The following SOS1 variants were observed in gnomAD, a reference collection of about 807,000 sequenced individuals.
SOS1 encodes the protein SOS Ras/Rac guanine nucleotide exchange factor 1, also known as son of sevenless homolog 1.
Under a neutral mutation model 157.6 loss-of-function variants are expected in SOS1, and 25 were observed. The ratio of observed to expected loss-of-function variants is 0.16; its 90% CI spans 0.12 to 0.22. The LOEUF is 0.22. Ranked by LOEUF, SOS1 falls within the 10% of genes least tolerant of loss-of-function variation. SOS1 has a pLI of 1.00. For missense variants in SOS1, 1,237 were observed against 1,599.1 expected (o/e 0.77, Z 3.86); for synonymous variants, 528 against 534.0 (o/e 0.99, Z 0.16).
At chr2:39,029,905 G>A (rs986825561) in intron 8 of SOS1, among the ~76,000 whole-genome samples, 3 of 152,044 alleles carry the variant, frequency 2.0e-5, no homozygotes, top group Non-Finnish European at 2.9e-5. Context: ...GGTGGCTTAC[G>A]CCTATAATCC....
In SOS1 at chr2:39,085,531, C is replaced by T. The variant is rs180709433; in HGVS notation, c.88-17778G>A. On this transcript the variant is annotated intron_variant, in intron 1 of 22. Transcript: ENST00000402219. ...CTTCACCAATTAATTTGCCCATAAC[C>T]TCTAAGCAGGAGATTCTAGTTTTTA... Among the ~76,000 whole-genome samples the T allele has an allele frequency of 1.4e-3, 207 of 152,276 alleles. 1 individual carries two copies. Among genetic ancestry groups the T allele is most frequent in the African/African-American group, 4.5e-3 (189 of 41,564 alleles).
In SOS1 at chr2:39,112,503, A is replaced by G. The variant is rs369416987; in HGVS notation, c.87+7833T>C. 6.2e-4 allele frequency among the ~76,000 whole-genome samples: 94 copies of G among 152,052 alleles called. 1 individual carries two copies. The South Asian group carries it at 0.011, about 18-fold the overall frequency. On this transcript the variant is annotated intron_variant, in intron 1 of 22. Transcript: ENST00000402219. ...TTTTTGGTAGAGACGGTGTTTCACC[A>G]TGTTGCCCAGGCTGGTCTTGAACTC...
At chr2:39,095,084 C>G (rs1672723007) in intron 1 of SOS1, among the ~76,000 whole-genome samples, 1 of 152,192 alleles carries the variant, frequency 6.6e-6, no homozygotes, top group African/African-American at 2.4e-5. Flanking sequence ...ACGTAAGGCA[C>G]TTCATACAGT....
intron 14 of SOS1, 21 bp downstream of exon 14, chr2:39,012,105 C>T: frequency 6.6e-7 from 1 of 1,525,456 alleles, no homozygotes; most frequent in South Asian, 1.1e-5. Context: ...GACTTTTCAA[C>T]TTGAATGTTA....
intron 1 of SOS1, among the ~76,000 whole-genome samples, chr2:39,084,785 G>C (rs1030090067): frequency 6.6e-6 from 1 of 151,966 alleles, no homozygotes; most frequent in Non-Finnish European, 1.5e-5. Context: ...CATGTGTTTT[G>C]CTTTAAAAAC....
At chr2:39,110,137 C>T (rs1483152577) in intron 1 of SOS1, among the ~76,000 whole-genome samples, 1 of 151,504 alleles carries the variant, frequency 6.6e-6, no homozygotes, top group Non-Finnish European at 1.5e-5. Flanking sequence ...GTTCCAGGAC[C>T]TCCCTCAGAT....
chr2:39,011,583 A>AT (rs1159870616), intron 14 of SOS1, among the ~76,000 whole-genome samples: 1 of 152,218 alleles, frequency 6.6e-6, no homozygotes, highest in Non-Finnish European at 1.5e-5. Flanking sequence ...TAAAAAGTGA[A>AT]TAATTTAAGA....
rs560227987 is a variant in SOS1 at position 39,099,520 on chromosome 2, T to G, written c.87+20816A>C. Among the ~76,000 whole-genome samples, 6 of 152,274 alleles carry G rather than the reference T, an allele frequency of 3.9e-5. No homozygotes were observed. The South Asian group carries it at 1.2e-3, about 32-fold the overall frequency. On this transcript the variant is annotated intron_variant, in intron 1 of 22. Coordinates refer to ENST00000402219, the MANE Select transcript of SOS1 (RefSeq NM_005633.4). The stretch of plus-strand genomic sequence containing the variant: ...TGATTTATAATTGATTGTGCAATAG[T>G]TGCACAGCTCTGTAAATATACTAAA...
At chr2:39,081,030 A>T (rs577069804) in intron 1 of SOS1, among the ~76,000 whole-genome samples, 8 of 152,024 alleles carry the variant, frequency 5.3e-5, no homozygotes, top group African/African-American at 1.7e-4. Flanking sequence ...TCCAAAAAAA[A>T]AATAATAAAA....
intron 10 of SOS1, 87 bp from the exon 11 acceptor site, chr2:39,014,933 T>C (rs935468723): frequency 6.1e-6 from 5 of 823,468 alleles, no homozygotes; most frequent in South Asian, 1.5e-5. Flanking sequence ...ATAGATCAAA[T>C]AGTCAAGTTT....
chr2:38,995,635 G>A (rs564196822), intron 19 of SOS1, among the ~76,000 whole-genome samples: 2 of 152,242 alleles, frequency 1.3e-5, no homozygotes, highest in East Asian at 3.9e-4. Context: ...AAATACTAGA[G>A]TATTTGTTAT....
chr2:39,056,478 C>G (rs1304362590), intron 4 of SOS1, among the ~76,000 whole-genome samples: 2 of 152,004 alleles, frequency 1.3e-5, no homozygotes, highest in Non-Finnish European at 2.9e-5. Context: ...ACCCTAGTTG[C>G]AACAGCACAG....
rs778745914 is a variant in SOS1, at chr2:39,035,196, TA to T, written c.1074+15del. ...CACTTGAATATGTTACAAATAACAA[TA>T]AAGAGTTTTCTTACCTTCAAAAGTT... On this transcript the variant is annotated intron_variant, in intron 8 of 22. Coordinates refer to ENST00000402219, the MANE Select transcript of SOS1 (RefSeq NM_005633.4). 1.3e-6 allele frequency: 2 copies of T among 1,555,792 alleles called. No individual in the cohort carries two copies. Among genetic ancestry groups the T allele is most frequent in the East Asian group, 2.3e-5 (1 of 44,424 alleles).
At chr2:39,081,295 G>A (rs752139116) in intron 1 of SOS1, among the ~76,000 whole-genome samples, 16 of 152,084 alleles carry the variant, frequency 1.1e-4, no homozygotes, top group African/African-American at 3.6e-4. Context: ...GTGGGCTGGC[G>A]GATCACTGGA....
chr2:39,058,543 T>A (rs1356056915), intron 3 of SOS1, 130 bp downstream of exon 3: 4 of 943,544 alleles, frequency 4.2e-6, no homozygotes, highest in Non-Finnish European at 6.6e-6. Flanking sequence ...CATAAATCTC[T>A]GGAAAACTTA....
At chr2:39,022,513 A>T in intron 10 of SOS1, 57 bp downstream of exon 10, 3 of 1,388,314 alleles carry the variant, frequency 2.2e-6, no homozygotes, top group Non-Finnish European at 3.1e-6. Flanking sequence ...CCATGCAGGA[A>T]AGAAAATCAG....
At chr2:39,056,597 T>C (rs900951039) in intron 4 of SOS1, 105 bp downstream of exon 4, 1 of 774,438 alleles carries the variant, frequency 1.3e-6, no homozygotes, top group East Asian at 2.5e-5. Context: ...ACTGGAGATA[T>C]TCCCCAACAC....
At chr2:39,105,489 C>T (rs188127884) in intron 1 of SOS1, among the ~76,000 whole-genome samples, 4 of 152,230 alleles carry the variant, frequency 2.6e-5, no homozygotes, top group Non-Finnish European at 5.9e-5. Context: ...GGACAGATTA[C>T]AGATTTTTTT....
intron 2 of SOS1, among the ~76,000 whole-genome samples, chr2:39,061,367 A>G (rs1312509164): frequency 6.6e-6 from 1 of 152,046 alleles, no homozygotes; most frequent in South Asian, 2.1e-4. Context: ...TTCTTTCACA[A>G]ACACTTTATA....
Sources: gnomAD v4.1 joint callset for allele counts (sites outside exome capture counted in the v4.1 genomes callset) on GRCh38, gnomAD v4.1.1 for gene constraint, MANE v1.5 for transcripts, NCBI Gene and HGNC (gene_info 2026-07-23, HGNC 2026-07-21) for gene names.